The following DDHD1 variants were observed in gnomAD, a reference collection of about 807,000 sequenced individuals.
DDHD1 encodes phospholipase DDHD1.
DDHD1 carries 49 observed loss-of-function variants against 96.4 expected under a neutral mutation model. The ratio of observed to expected loss-of-function variants is 0.51; its 90% CI spans 0.40 to 0.64. The LOEUF is 0.64. DDHD1 is among the 30% of genes least tolerant of loss of function. The probability of loss-of-function intolerance (pLI) is 0.00; values close to 1 mark genes in which losing one functional copy is unlikely to be tolerated. For missense variants in DDHD1, 1,106 were observed against 1,161.2 expected (o/e 0.95, Z 0.69); for synonymous variants, 442 against 446.5 (o/e 0.99, Z 0.13).
At chr14:53,068,243 C>CTTTTT (rs55662153) in intron 6 of DDHD1, among the ~76,000 whole-genome samples, 71,225 of 104,224 alleles carry the variant, frequency 0.68, 26,326 homozygotes, top group East Asian at 0.94. Flanking sequence ...CTTTATGATA[C>CTTTTT]TTTTTTTTTT....
At position 53,044,330 on chromosome 14, in the gene DDHD1, A is replaced by G. The variant is rs954776713; in HGVS notation, c.*2438T>C. 1 of 152,196 alleles carries G rather than the reference A, an allele frequency of 6.6e-6. No homozygotes were observed. Among genetic ancestry groups the G allele is most frequent in the Non-Finnish European group, 1.5e-5 (1 of 68,036 alleles). The allele number at this position is 152,196 out of a possible 1,614,324, so 9.4% of individuals were successfully genotyped here. The stretch of plus-strand genomic sequence containing the variant: ...AATTTGACTGTTTTCTCAACATGAA[A>G]AAAAGGAAGCAGACATATTCCTATG... On this transcript the variant is annotated 3_prime_UTR_variant, in exon 13 of 13. Transcript: ENST00000673822.
At chr14:53,061,077 A>T (rs755926311) in intron 8 of DDHD1, 49 bp downstream of exon 8, 3 of 1,377,776 alleles carry the variant, frequency 2.2e-6, no homozygotes, top group Admixed American at 4.3e-5. Flanking sequence ...ACATGACGTT[A>T]AAAAAAATAC....
intron 1 of DDHD1, among the ~76,000 whole-genome samples, chr14:53,134,137 C>T (rs1199586384): frequency 6.6e-6 from 1 of 152,176 alleles, no homozygotes; most frequent in Non-Finnish European, 1.5e-5. Flanking sequence ...GGGCTTTACG[C>T]AGTCACTCCC....
At chr14:53,118,932 A>T (rs1315899873) in intron 1 of DDHD1, among the ~76,000 whole-genome samples, 1 of 152,228 alleles carries the variant, frequency 6.6e-6, no homozygotes, top group Non-Finnish European at 1.5e-5. Context: ...GGTTACCCAC[A>T]AAGGAAAGCC....
chr14:53,107,551 G>C, intron 1 of DDHD1, among the ~76,000 whole-genome samples: 1 of 152,200 alleles, frequency 6.6e-6, no homozygotes, highest in South Asian at 2.1e-4. Flanking sequence ...AGTACTTTGG[G>C]AGGCCGAGGC....
Position 53,037,717 on chromosome 14 carries a change from T to C in DDHD1, c.*9051A>G, listed in dbSNP as rs1180367313. On this transcript the variant is annotated 3_prime_UTR_variant, in exon 13 of 13. Transcript: ENST00000673822. ...ACTCTGTTGATAGTGTCTTTTGCTG[T>C]GCAGAGTGCTTTAATTAGGTCCCCA... 1 of 152,158 alleles carries C rather than the reference T, an allele frequency of 6.6e-6. No homozygotes were observed. The highest frequency in any genetic ancestry group is 2.4e-5 in the African/African-American group (1 of 41,438). The allele number at this position is 152,158 out of a possible 1,614,324, so 9.4% of individuals were successfully genotyped here.
intron 1 of DDHD1, among the ~76,000 whole-genome samples, chr14:53,140,052 G>C (rs1890535619): frequency 6.6e-6 from 1 of 151,884 alleles, no homozygotes; most frequent in Non-Finnish European, 1.5e-5. Context: ...TGGTAAGATA[G>C]ATAAAGAATA....
chr14:53,046,803 C>T lies in DDHD1; in HGVS notation c.2668G>A (p.Asp890Asn), dbSNP rs202164262. The T allele has an allele frequency of 1.7e-4, 272 of 1,609,372 alleles. 6 individuals are homozygous for T. The South Asian group carries it at 1.9e-3, about 11-fold the overall frequency. Residue 890 changes from aspartate (D) to asparagine (N), a missense_variant, in exon 13 of 13, where the codon GAT becomes AAT. Asp to Asn is a conservative substitution (Grantham distance 23). Transcript: ENST00000673822. ...LLTFMYKHEH[D>N]DDAKPNLDPI ...TCTAAATTGGGTTTTGCATCATCAT[C>T]GTGCTCATGTTTATACATGAAGGTT...
chr14:53,081,319 G>A (rs1298177766), intron 4 of DDHD1, among the ~76,000 whole-genome samples: 2 of 152,146 alleles, frequency 1.3e-5, no homozygotes, highest in South Asian at 2.1e-4. Flanking sequence ...GTATATGCAA[G>A]GAAGAACATA....
intron 1 of DDHD1, among the ~76,000 whole-genome samples, chr14:53,122,452 C>T (rs1167259306): frequency 6.6e-6 from 1 of 152,202 alleles, no homozygotes; most frequent in African/African-American, 2.4e-5. Flanking sequence ...GAATCTCAAC[C>T]TTGAGAGGGA....
Position 53,037,983 on chromosome 14 carries a change from G to A in DDHD1, c.*8785C>T, listed in dbSNP as rs554602922. Reference sequence around the variant, plus strand: ...TATCCCAACACCATTTATTGAATACGGATAAAATCCAACATCCCTCATGAT... The same window carrying A: ...TATCCCAACACCATTTATTGAATACAGATAAAATCCAACATCCCTCATGAT... On this transcript the variant is annotated 3_prime_UTR_variant, in exon 13 of 13. Transcript: ENST00000673822. 2.0e-4 allele frequency: 31 copies of A among 151,938 alleles called. No individual in the cohort carries two copies. The highest frequency in any genetic ancestry group is 5.6e-4 in the African/African-American group (23 of 41,438). 9.4% of individuals were successfully genotyped at this position (151,938 alleles called of 1,614,324 possible).
At chr14:53,125,840 T>G (rs1219367484) in intron 1 of DDHD1, among the ~76,000 whole-genome samples, 1 of 152,104 alleles carries the variant, frequency 6.6e-6, no homozygotes, top group Non-Finnish European at 1.5e-5. Context: ...TAGCTGGGAT[T>G]ACAGGTACCC....
At position 53,079,367 on chromosome 14, in the gene DDHD1, GT is replaced by G. The variant is rs572108566; in HGVS notation, c.1290-5521del. ...AGTGGCTAGTCACTGGAACCGACAT[GT>G]ACTATAGCCTGGAACTCCTGCTTTA... On this transcript the variant is annotated intron_variant, in intron 4 of 12. Coordinates refer to ENST00000673822, the MANE Select transcript of DDHD1 (RefSeq NM_001160148.2). Among the ~76,000 whole-genome samples the G allele has an allele frequency of 2.6e-5, 4 of 152,110 alleles. No homozygotes were observed. In the South Asian group the frequency reaches 8.3e-4, roughly 32 times the overall value.
chr14:53,143,552 G>A (rs10133629), intron 1 of DDHD1, among the ~76,000 whole-genome samples: 3,917 of 152,208 alleles, frequency 0.026, 157 homozygotes, highest in African/African-American at 0.088. Flanking sequence ...TGGCTGGAAC[G>A]GGACCTCATA....
At chr14:53,069,349 G>A (rs1884318417) in intron 6 of DDHD1, among the ~76,000 whole-genome samples, 1 of 152,202 alleles carries the variant, frequency 6.6e-6, no homozygotes, top group South Asian at 2.1e-4. Flanking sequence ...GGCATACCCT[G>A]TTTTATGGCA....
At chr14:53,141,612 C>T (rs1890645496) in intron 1 of DDHD1, among the ~76,000 whole-genome samples, 1 of 152,216 alleles carries the variant, frequency 6.6e-6, no homozygotes, top group Admixed American at 6.5e-5. Flanking sequence ...GGTTGCCATT[C>T]TGCAGACTAC....
At chr14:53,050,255 T>C (rs905354528) in intron 12 of DDHD1, among the ~76,000 whole-genome samples, 8 of 152,030 alleles carry the variant, frequency 5.3e-5, no homozygotes, top group African/African-American at 1.4e-4. Context: ...GTGGGAAGCA[T>C]GGGGTATGAA....
chr14:53,145,344 A>C (rs1890903313), intron 1 of DDHD1, among the ~76,000 whole-genome samples: 1 of 151,794 alleles, frequency 6.6e-6, no homozygotes, highest in Non-Finnish European at 1.5e-5. Context: ...ACAAGTAATA[A>C]TTTTAAAAAT....
intron 1 of DDHD1, among the ~76,000 whole-genome samples, chr14:53,138,365 G>A (rs924680666): frequency 4.6e-5 from 7 of 152,132 alleles, no homozygotes; most frequent in Admixed American, 2.6e-4. Context: ...AAATTGTGCC[G>A]CTGCAGTGAG....
Sources: gnomAD v4.1 joint callset for allele counts (sites outside exome capture counted in the v4.1 genomes callset) on GRCh38, gnomAD v4.1.1 for gene constraint, MANE v1.5 for transcripts, NCBI Gene and HGNC (gene_info 2026-07-23, HGNC 2026-07-21) for gene names.